Variants in CDH26 observed in about 807,000 individuals in gnomAD.
The protein encoded by CDH26 is cadherin 26.
CDH26 carries 83 observed loss-of-function variants against 90.3 expected under a neutral mutation model. The ratio of observed to expected loss-of-function variants is 0.92; its 90% CI spans 0.77 to 1.10. CDH26 has a LOEUF of 1.10. Ranked by LOEUF, CDH26 falls within the 50% of genes least tolerant of loss-of-function variation. CDH26 has a pLI of 0.00. For missense variants in CDH26, 1,013 were observed against 1,037.6 expected (o/e 0.98, Z 0.33); for synonymous variants, 397 against 396.3 (o/e 1.00, Z -0.02).
intron 7 of CDH26, among the ~76,000 whole-genome samples, chr20:60,024,980 C>G (rs765077111): frequency 1.1e-4 from 17 of 152,192 alleles, no homozygotes; most frequent in Non-Finnish European, 2.1e-4. Context: ...CCTCCCTCTC[C>G]CTGCAGGCTG....
At chr20:59,969,769 GC>G (rs2061229522) in intron 2 of CDH26, among the ~76,000 whole-genome samples, 2 of 152,326 alleles carry the variant, frequency 1.3e-5, no homozygotes, top group South Asian at 4.1e-4. Flanking sequence ...ACAACCGTTT[GC>G]ATGTCTACTA....
At chr20:60,033,541 G>T (rs1650908002) in exon 9 of CDH26, 1 of 1,304,320 alleles carries the variant, frequency 7.7e-7, no homozygotes, top group South Asian at 1.2e-5. Context: ...AGGTTATGCA[G>T]CTGAGAAATG....
At chr20:59,978,871 A>G (rs183880739) in intron 4 of CDH26, among the ~76,000 whole-genome samples, 2 of 152,226 alleles carry the variant, frequency 1.3e-5, no homozygotes, top group African/African-American at 4.8e-5. Flanking sequence ...CTTTGACAAT[A>G]TAATGACCTG....
rs753714135 is a variant in CDH26, at chr20:59,987,452, G to C, written c.838-1G>C. On this transcript the variant is annotated splice_acceptor_variant, in intron 7 of 17. Transcript: ENST00000348616. LOFTEE classifies it high-confidence loss of function. ...ATGGACATGATGATTGCTTCTTTCA[G>C]TATAAGGTTCAGATTCCTGAAGGCC... 2 of 1,606,782 alleles carry C rather than the reference G, an allele frequency of 1.2e-6. No individual in the cohort carries two copies. Among genetic ancestry groups the C allele is most frequent in the Non-Finnish European group, 1.7e-6 (2 of 1,176,918 alleles).
intron 4 of CDH26, among the ~76,000 whole-genome samples, chr20:59,980,606 TTTG>T (rs1267396781): frequency 6.6e-6 from 1 of 152,196 alleles, no homozygotes; most frequent in Admixed American, 6.5e-5. Flanking sequence ...CCATATATTG[TTTG>T]TTTTCTTATT....
chr20:59,987,122 C>T (rs1346472971), intron 7 of CDH26, among the ~76,000 whole-genome samples: 1 of 152,082 alleles, frequency 6.6e-6, no homozygotes, highest in African/African-American at 2.4e-5. Context: ...AGAGCATAAA[C>T]TAGGATTGTG....
rs1310468893 is a variant in CDH26, at chr20:59,974,360, C to T, written c.393+2237C>T. On this transcript the variant is annotated intron_variant, in intron 4 of 17. Coordinates refer to ENST00000348616, the MANE Select transcript of CDH26 (RefSeq NM_177980.4). ...CAGAATGGGAGAACATTTTTGTGAA[C>T]GATGCTTTTAACATTTTAAATGATG... is the stretch of plus-strand genomic sequence containing the variant. Among the ~76,000 whole-genome samples, 11 of 152,032 alleles carry T rather than the reference C, an allele frequency of 7.2e-5. No individual in the cohort carries two copies. The East Asian group carries it at 1.3e-3, about 19-fold the overall frequency.
At chr20:59,966,020 T>C (rs78819251) in intron 1 of CDH26, among the ~76,000 whole-genome samples, 4,612 of 152,186 alleles carry the variant, frequency 0.03, 91 homozygotes, top group Middle Eastern at 0.061. Context: ...ATTAGGAAGC[T>C]TTCATGCTTA....
Position 59,994,488 on chromosome 20 carries a change from G to C in CDH26, c.1665G>C (p.Trp555Cys). ...AEDTWKLGRN[W>C]GQSVELLTLR... ...ACACATGGAAGTTGGGGAGAAATTG[G>C]GGTGAGTTTTTGTATTGGTTACGGG... The change falls in exon 11 of 18, where the codon TGG becomes TGC. Residue 555 changes from tryptophan (W) to cysteine (C), a missense_variant and splice_region_variant. By Grantham distance (215) the Trp-to-Cys change is radical. Coordinates refer to ENST00000348616, the MANE Select transcript of CDH26 (RefSeq NM_177980.4). 1.2e-6 allele frequency: 2 copies of C among 1,613,864 alleles called. No individual in the cohort carries two copies. The highest frequency in any genetic ancestry group is 1.7e-6 in the Non-Finnish European group (2 of 1,179,902).
At chr20:60,034,360 C>A (rs985477875), downstream of CDH26, among the ~76,000 whole-genome samples, 5 of 152,174 alleles carry the variant, frequency 3.3e-5, no homozygotes, top group African/African-American at 1.2e-4. Flanking sequence ...GGGGAAGGGT[C>A]ATGAGGCAAA....
intron 4 of CDH26, among the ~76,000 whole-genome samples, chr20:59,980,356 G>A (rs549092877): frequency 1.1e-4 from 16 of 151,606 alleles, no homozygotes; most frequent in Middle Eastern, 3.4e-3. Flanking sequence ...GTGCAATGGC[G>A]CAATCTCAGT....
chr20:60,019,523 T>C (rs2061935148), downstream of CDH26, among the ~76,000 whole-genome samples: 1 of 152,216 alleles, frequency 6.6e-6, no homozygotes, highest in African/African-American at 2.4e-5. Flanking sequence ...ACTGAATTCT[T>C]CCATTCCAGA....
chr20:59,963,911 C>T (rs2061111347), intron 1 of CDH26, among the ~76,000 whole-genome samples: 1 of 152,060 alleles, frequency 6.6e-6, no homozygotes, highest in South Asian at 2.1e-4. Flanking sequence ...CTTAAAACCT[C>T]TCTCCTCCAT....
chr20:60,006,963 G>T (rs1333815146), intron 17 of CDH26, among the ~76,000 whole-genome samples, 176 bp downstream of exon 17: 1 of 152,182 alleles, frequency 6.6e-6, no homozygotes, highest in Non-Finnish European at 1.5e-5. Flanking sequence ...ATTGCCTCAT[G>T]TTTCTGCAGG....
intron 11 of CDH26, among the ~76,000 whole-genome samples, chr20:59,994,710 G>T (rs566824412): frequency 3.9e-5 from 6 of 152,084 alleles, no homozygotes; most frequent in African/African-American, 1.4e-4. Flanking sequence ...TCCTCATCAG[G>T]GGGTAGGAGG....
chr20:59,983,874 T>C (rs1484209301), intron 5 of CDH26, among the ~76,000 whole-genome samples: 1 of 152,244 alleles, frequency 6.6e-6, no homozygotes. Flanking sequence ...TGTAACCTGA[T>C]ATTTTTCTAA....
chr20:59,965,661 A>G (rs1013344606), intron 1 of CDH26, among the ~76,000 whole-genome samples: 55 of 152,206 alleles, frequency 3.6e-4, no homozygotes, highest in African/African-American at 1.2e-3. Flanking sequence ...TCTGGCCTCG[A>G]GCAGATATTT....
chr20:60,025,328 T>A (rs755411384), intron 7 of CDH26, among the ~76,000 whole-genome samples: 5 of 152,260 alleles, frequency 3.3e-5, no homozygotes, highest in Non-Finnish European at 7.3e-5. Context: ...CCCATTATGT[T>A]TAAACAAGTA....
Position 59,983,060 on chromosome 20 carries a change from C to A in CDH26, c.531C>A (p.Asn177Lys), listed in dbSNP as rs372004575. The change falls in exon 5 of 18, where the codon AAC becomes AAA. Residue 177 changes from asparagine to lysine, a missense_variant. Transcript: ENST00000348616. ...AATTTAACATCACTGTGCAAGAAAA[C>A]CAATCTGCAGGTGTGTGCGGCTGGG... Reference protein sequence around the residue: ...EKEFNITVQENQSAGQPIFQM... With the variant: ...EKEFNITVQEKQSAGQPIFQM... The A allele has an allele frequency of 5.6e-5, 91 of 1,613,968 alleles. No individual in the cohort carries two copies. Among genetic ancestry groups the A allele is most frequent in the South Asian group, 4.5e-4 (41 of 91,050 alleles).
Sources: allele counts gnomAD v4.1 joint callset (sites outside exome capture counted in the v4.1 genomes callset), GRCh38; gene constraint gnomAD v4.1.1; transcripts MANE v1.5; gene names NCBI Gene and HGNC (gene_info 2026-07-23, HGNC 2026-07-21).